CERS6: variants seen among roughly 807,000 people sequenced by gnomAD.
The protein encoded by CERS6 is LAG1 homolog, ceramide synthase 6.
In CERS6, 26 loss-of-function variants were observed where a neutral mutation model predicts 56.8. The ratio of observed to expected loss-of-function variants is 0.46; its 90% CI spans 0.34 to 0.63. The LOEUF (loss-of-function observed/expected upper bound fraction) is 0.63. Ranked by LOEUF, CERS6 falls within the 30% of genes least tolerant of loss-of-function variation. The pLI is 0.01. For missense variants in CERS6, 415 were observed against 467.5 expected (o/e 0.89, Z 1.04); for synonymous variants, 164 against 173.3 (o/e 0.95, Z 0.42).
At chr2:168,565,031 A>T (rs1695859953) in intron 3 of CERS6, among the ~76,000 whole-genome samples, 1 of 152,216 alleles carries the variant, frequency 6.6e-6, no homozygotes, top group Admixed American at 6.5e-5. Flanking sequence ...TGAGTGCCTA[A>T]TATATACTGC....
intron 3 of CERS6, among the ~76,000 whole-genome samples, chr2:168,620,298 A>C (rs768409725): frequency 6.6e-6 from 1 of 152,090 alleles, no homozygotes; most frequent in Non-Finnish European, 1.5e-5. Context: ...TGTGAGGGAT[A>C]AAAGACTACA....
At chr2:168,738,529 C>T (rs557544713) in intron 8 of CERS6, among the ~76,000 whole-genome samples, 13 of 152,324 alleles carry the variant, frequency 8.5e-5, no homozygotes, top group Admixed American at 6.5e-4. Flanking sequence ...AAAACTCTAT[C>T]ATACTGTTAC....
At chr2:168,696,945 C>A (rs1188527311) in intron 6 of CERS6, among the ~76,000 whole-genome samples, 3 of 152,150 alleles carry the variant, frequency 2.0e-5, no homozygotes, top group Non-Finnish European at 4.4e-5. Flanking sequence ...AATGAATAAG[C>A]AAAATCAGTT....
At chr2:168,633,857 T>A (rs1196839599) in intron 4 of CERS6, among the ~76,000 whole-genome samples, 1 of 152,184 alleles carries the variant, frequency 6.6e-6, no homozygotes, top group Non-Finnish European at 1.5e-5. Context: ...TTCAGATTCT[T>A]CCAAAAAGTA....
chr2:168,755,726 C>A (rs892422337), intron 8 of CERS6, among the ~76,000 whole-genome samples: 1 of 152,256 alleles, frequency 6.6e-6, no homozygotes, highest in African/African-American at 2.4e-5. Flanking sequence ...AAATAGCCAT[C>A]CTGTAAACAG....
chr2:168,539,802 C>T (rs1056295379), intron 1 of CERS6, among the ~76,000 whole-genome samples: 2 of 152,176 alleles, frequency 1.3e-5, no homozygotes, highest in Non-Finnish European at 2.9e-5. Context: ...CTCCCCACTT[C>T]TCCTTTATTG....
intron 8 of CERS6, among the ~76,000 whole-genome samples, chr2:168,741,455 G>A (rs927556655): frequency 1.3e-5 from 2 of 151,624 alleles, no homozygotes; most frequent in African/African-American, 2.4e-5. Flanking sequence ...GCTTCCCTGG[G>A]CCGCTTTGAA....
chr2:168,684,580 T>C (rs1207077956), intron 4 of CERS6, among the ~76,000 whole-genome samples: 1 of 152,190 alleles, frequency 6.6e-6, no homozygotes, highest in Non-Finnish European at 1.5e-5. Context: ...ATCTTCAATA[T>C]TTAGGTAACA....
intron 4 of CERS6, among the ~76,000 whole-genome samples, chr2:168,640,822 C>T (rs138627166): frequency 5.3e-5 from 8 of 152,264 alleles, no homozygotes; most frequent in African/African-American, 1.9e-4. Flanking sequence ...TAAAAGATAC[C>T]TGGTGTTTGT....
intron 1 of CERS6, among the ~76,000 whole-genome samples, chr2:168,466,038 C>T (rs1574000870): frequency 6.6e-6 from 1 of 150,476 alleles, no homozygotes; most frequent in Non-Finnish European, 1.5e-5. Flanking sequence ...TGCTTAATTC[C>T]CCTCAAATCT....
chr2:168,758,022 A>T lies in CERS6; in HGVS notation c.846-7570A>T, dbSNP rs563915644. Among the ~76,000 whole-genome samples the T allele has an allele frequency of 7.2e-5, 11 of 152,358 alleles. No homozygotes were observed. The South Asian group carries it at 2.3e-3, about 32-fold the overall frequency. On this transcript the variant is annotated intron_variant, in intron 8 of 9. Coordinates refer to ENST00000305747, the MANE Select transcript of CERS6 (RefSeq NM_203463.3). ...ACAACGAGGGTTGCTTGTAATCATG[A>T]CTTAATTACCCGACTTTCAGGTTTT... is the stretch of plus-strand genomic sequence containing the variant.
At chr2:168,532,354 T>C (rs979574114) in intron 1 of CERS6, among the ~76,000 whole-genome samples, 9 of 152,134 alleles carry the variant, frequency 5.9e-5, no homozygotes, top group African/African-American at 2.2e-4. Context: ...ATTTCTTTTC[T>C]GGTGGCATCA....
Position 168,715,098 on chromosome 2 carries a change from G to T in CERS6, c.707G>T (p.Cys236Phe), listed in dbSNP as rs764137443. Residue 236 changes from cysteine to phenylalanine, a missense_variant, in exon 7 of 10, where the codon TGT becomes TTT. Transcript: ENST00000305747. ...GCCCGAGTAGGAACGCTGGTCCTTT[G>T]TCTTCATGATTCAGCTGATGCTCTT... ...NMARVGTLVL[C>F]LHDSADALLE... 1 of 1,612,392 alleles carries T rather than the reference G, an allele frequency of 6.2e-7. No homozygotes were observed. Among genetic ancestry groups the T allele is most frequent in the Non-Finnish European group, 8.5e-7 (1 of 1,179,250 alleles).
At chr2:168,591,953 A>G (rs537493783) in intron 3 of CERS6, among the ~76,000 whole-genome samples, 1 of 152,304 alleles carries the variant, frequency 6.6e-6, no homozygotes, top group African/African-American at 2.4e-5. Context: ...GGGGAATAGC[A>G]GGATTGAGGC....
At chr2:168,731,244 C>A (rs1345612000) in intron 8 of CERS6, among the ~76,000 whole-genome samples, 1 of 152,166 alleles carries the variant, frequency 6.6e-6, no homozygotes, top group Non-Finnish European at 1.5e-5. Flanking sequence ...TGAGTCACTT[C>A]TGTTCCAAAC....
chr2:168,617,091 A>G (rs1032578562), intron 3 of CERS6, among the ~76,000 whole-genome samples: 4 of 152,194 alleles, frequency 2.6e-5, no homozygotes, highest in African/African-American at 9.7e-5. Flanking sequence ...CTTCAAAACC[A>G]TGCAAATACA....
At chr2:168,606,907 C>A (rs937265107) in intron 3 of CERS6, among the ~76,000 whole-genome samples, 24 of 152,146 alleles carry the variant, frequency 1.6e-4, no homozygotes, top group African/African-American at 5.6e-4. Flanking sequence ...CCTGCTCTGG[C>A]CATGTAAGAT....
At chr2:168,676,195 A>G (rs962091741) in intron 4 of CERS6, among the ~76,000 whole-genome samples, 3 of 152,250 alleles carry the variant, frequency 2.0e-5, no homozygotes, top group Non-Finnish European at 4.4e-5. Flanking sequence ...CCAGAAAACT[A>G]TAAATATTCT....
intron 3 of CERS6, among the ~76,000 whole-genome samples, chr2:168,612,460 C>T (rs557055000): frequency 1.2e-4 from 18 of 152,202 alleles, no homozygotes; most frequent in Non-Finnish European, 2.5e-4. Flanking sequence ...TTGAGATGGA[C>T]GAAGAAGAAA....
Sources: allele counts gnomAD v4.1 joint callset (sites outside exome capture counted in the v4.1 genomes callset), GRCh38; gene constraint gnomAD v4.1.1; transcripts MANE v1.5; gene names NCBI Gene and HGNC (gene_info 2026-07-23, HGNC 2026-07-21).